Variants in PLA2G4C observed in about 807,000 individuals in gnomAD.
PLA2G4C encodes cytosolic phospholipase A2 gamma.
In PLA2G4C, 64 loss-of-function variants were observed where a neutral mutation model predicts 73.8. The ratio of observed to expected loss-of-function variants is 0.87; its 90% CI spans 0.71 to 1.07. The LOEUF (loss-of-function observed/expected upper bound fraction) is 1.07. Ranked by LOEUF, PLA2G4C falls within the 50% of genes least tolerant of loss-of-function variation. The probability of loss-of-function intolerance (pLI) is 0.00; values close to 1 mark genes in which losing one functional copy is unlikely to be tolerated. For synonymous variants in PLA2G4C, 254 were observed against 252.1 expected (o/e 1.01, Z -0.07); for missense variants, 622 against 665.4 (o/e 0.93, Z 0.72).
chr19:48,084,957 T>C lies in PLA2G4C; in HGVS notation c.844+102A>G, dbSNP rs2030885548. 2.2e-5 allele frequency: 18 copies of C among 827,726 alleles called. No individual in the cohort carries two copies. In the South Asian group the frequency reaches 2.4e-4, roughly 11 times the overall value. The allele number at this position is 827,726 out of a possible 1,614,324, so 51.3% of individuals were successfully genotyped here. A position where few individuals can be genotyped will look rare whatever the true frequency, so the allele number is the denominator to read the frequency against. On this transcript the variant is annotated intron_variant, in intron 10 of 16. Transcript: ENST00000599921. The stretch of plus-strand genomic sequence containing the variant: ...TCAGGAAATGTGGTTGTTAGAACCA[T>C]TATACACAGGCCTCTTTTCTGCCAC...
At chr19:48,056,252 T>C (rs1294019375) in intron 14 of PLA2G4C, among the ~76,000 whole-genome samples, 1 of 152,030 alleles carries the variant, frequency 6.6e-6, no homozygotes, top group Non-Finnish European at 1.5e-5. Flanking sequence ...GCAAGGAGAA[T>C]TAAGATCAAT....
At chr19:48,056,463 G>A (rs908972747) in intron 14 of PLA2G4C, among the ~76,000 whole-genome samples, 2 of 152,012 alleles carry the variant, frequency 1.3e-5, no homozygotes, top group Non-Finnish European at 1.5e-5. Context: ...CAGGAGAATC[G>A]CTTGAACCCG....
At chr19:48,069,611 C>A (rs1444562994) in intron 12 of PLA2G4C, among the ~76,000 whole-genome samples, 2 of 152,154 alleles carry the variant, frequency 1.3e-5, no homozygotes, top group Admixed American at 6.6e-5. Flanking sequence ...TCTGATTTCC[C>A]TCTTCCTGGT....
chr19:48,084,247 A>G (rs1600218499), intron 10 of PLA2G4C, among the ~76,000 whole-genome samples: 4 of 152,014 alleles, frequency 2.6e-5, no homozygotes, highest in Admixed American at 2.6e-4. Flanking sequence ...TTTAGTAGAG[A>G]CGCATTTTCA....
At chr19:48,086,908 C>T (rs1198306696) in intron 9 of PLA2G4C, among the ~76,000 whole-genome samples, 2 of 152,318 alleles carry the variant, frequency 1.3e-5, no homozygotes, top group East Asian at 3.9e-4. Context: ...CTCACAGAGC[C>T]TGTGTCTCTC....
chr19:48,101,122 ATATAT>A (rs1159029976), intron 4 of PLA2G4C, among the ~76,000 whole-genome samples: 4 of 66,542 alleles, frequency 6.0e-5, no homozygotes, highest in African/African-American at 8.1e-5. Context: ...ATATATATAT[ATATAT>A]TTTTTTTTTT....
intron 7 of PLA2G4C, chr19:48,090,663 G>C: frequency 2.0e-6 from 1 of 492,990 alleles, no homozygotes; most frequent in South Asian, 2.4e-5. Context: ...TATGGGTGGA[G>C]CCAGCCGGGC....
intron 11 of PLA2G4C, among the ~76,000 whole-genome samples, chr19:48,076,402 C>T (rs148438957): frequency 3.9e-5 from 6 of 152,282 alleles, no homozygotes; most frequent in South Asian, 2.1e-4. Flanking sequence ...TCTCTCCTCT[C>T]ATGGAACAGA....
chr19:48,106,747 G>C (rs947698515), intron 1 of PLA2G4C, 186 bp from the exon 2 acceptor site: 5 of 566,170 alleles, frequency 8.8e-6, no homozygotes, highest in African/African-American at 7.6e-5. Flanking sequence ...GGCCAAGCGA[G>C]GAGAATGGGA....
At chr19:48,095,289 A>G (rs2031508862) in intron 7 of PLA2G4C, among the ~76,000 whole-genome samples, 175 bp downstream of exon 7, 1 of 152,138 alleles carries the variant, frequency 6.6e-6, no homozygotes. Context: ...GACCTTTGAG[A>G]GACACTGAAG....
At chr19:48,049,039 G>A (rs1217783649) in intron 16 of PLA2G4C, among the ~76,000 whole-genome samples, 3 of 151,946 alleles carry the variant, frequency 2.0e-5, no homozygotes, top group African/African-American at 2.4e-5. Context: ...CATGTAACAC[G>A]CCAGCCCCCC....
chr19:48,075,814 C>T (rs1050868428), intron 11 of PLA2G4C, among the ~76,000 whole-genome samples: 1 of 151,770 alleles, frequency 6.6e-6, no homozygotes, highest in African/African-American at 2.4e-5. Context: ...GACAGGTTGT[C>T]GCTCTGTCAC....
At chr19:48,062,339 G>A (rs1034916696) in intron 13 of PLA2G4C, 187 bp from the exon 14 acceptor site, 14 of 501,160 alleles carry the variant, frequency 2.8e-5, no homozygotes, top group Admixed American at 7.7e-5. Context: ...GGCTGGGTGC[G>A]GTGCCTCACA....
chr19:48,070,339 G>T (rs2386975), intron 12 of PLA2G4C, among the ~76,000 whole-genome samples: 15 of 152,156 alleles, frequency 9.9e-5, no homozygotes, highest in Non-Finnish European at 2.9e-5. Flanking sequence ...AGTAATGTGG[G>T]TGGGTCTCAT....
intron 12 of PLA2G4C, among the ~76,000 whole-genome samples, chr19:48,071,552 C>T (rs1968659224): frequency 6.6e-6 from 1 of 152,086 alleles, no homozygotes; most frequent in Non-Finnish European, 1.5e-5. Flanking sequence ...CCACCTTGGC[C>T]TCTCAAAGTG....
At position 48,097,955 on chromosome 19, in the gene PLA2G4C, T is replaced by C. The variant is rs116978103; in HGVS notation, c.568+184A>G. The C allele has an allele frequency of 2.3e-4, 133 of 575,254 alleles. 1 individual carries two copies. The East Asian group carries it at 3.9e-3, about 17-fold the overall frequency. The allele number at this position is 575,254 out of a possible 1,614,324, so 35.6% of individuals were successfully genotyped here. A position where few individuals can be genotyped will look rare whatever the true frequency, so the allele number is the denominator to read the frequency against. On this transcript the variant is annotated intron_variant, in intron 6 of 16. Coordinates refer to ENST00000599921, the MANE Select transcript of PLA2G4C (RefSeq NM_003706.3). ...TCTTGATCCATGCAAAGCAAGTGCA[T>C]GTCCTCTGGTCACTTCTGGGACTTC...
chr19:48,099,091 T>A (rs1321738157), intron 5 of PLA2G4C, among the ~76,000 whole-genome samples: 2 of 105,684 alleles, frequency 1.9e-5, no homozygotes, highest in African/African-American at 8.0e-5. Context: ...AAGATCCCTG[T>A]CTCTACAAAA....
chr19:48,065,623 T>C (rs1424588786), intron 13 of PLA2G4C, among the ~76,000 whole-genome samples: 1 of 151,562 alleles, frequency 6.6e-6, no homozygotes, highest in African/African-American at 2.4e-5. Context: ...AAATAATTAA[T>C]AAATAAATAT....
intron 6 of PLA2G4C, chr19:48,097,067 A>C (rs2031609869): frequency 6.6e-6 from 1 of 150,524 alleles, no homozygotes; most frequent in African/African-American, 2.5e-5. Flanking sequence ...GGGCAGGAGA[A>C]TCGCTTGAAC....
Sources: gnomAD v4.1 joint callset for allele counts (sites outside exome capture counted in the v4.1 genomes callset) on GRCh38, gnomAD v4.1.1 for gene constraint, MANE v1.5 for transcripts, NCBI Gene and HGNC (gene_info 2026-07-23, HGNC 2026-07-21) for gene names.